Variants in DPH6 observed in about 807,000 individuals in gnomAD.
The protein encoded by DPH6 is diphthine--ammonia ligase.
Under a neutral mutation model 38.2 loss-of-function variants are expected in DPH6, and 33 were observed. The observed-to-expected ratio is 0.86, with a 90% confidence interval of 0.65 to 1.15. The LOEUF is 1.15. Among genes scored for constraint, DPH6 ranks in the 50% most tolerant of loss-of-function variants. The pLI, the probability that DPH6 is intolerant of heterozygous loss-of-function variation, is 0.00. For synonymous variants in DPH6, 108 were observed against 103.0 expected (o/e 1.05, Z -0.30); for missense variants, 325 against 320.0 (o/e 1.02, Z -0.12).
chr15:35,238,599 T>C (rs1224507343), intron 3 of DPH6, among the ~76,000 whole-genome samples: 1 of 152,246 alleles, frequency 6.6e-6, no homozygotes, highest in Non-Finnish European at 1.5e-5. Context: ...GAAAAGACTA[T>C]GTTGCCTATG....
intron 3 of DPH6, among the ~76,000 whole-genome samples, chr15:35,320,680 G>A (rs1037784851): frequency 1.3e-5 from 2 of 152,118 alleles, no homozygotes; most frequent in East Asian, 1.9e-4. Flanking sequence ...TTCCTTCTTC[G>A]TGGAGTTGCA....
intron 3 of DPH6, among the ~76,000 whole-genome samples, chr15:35,249,042 G>T (rs144779705): frequency 2.0e-5 from 3 of 152,296 alleles, no homozygotes; most frequent in African/African-American, 4.8e-5. Context: ...GGAAACCGCA[G>T]AATTATATTA....
intron 3 of DPH6, among the ~76,000 whole-genome samples, chr15:35,284,179 T>C (rs1340186678): frequency 6.6e-6 from 1 of 152,196 alleles, no homozygotes; most frequent in Non-Finnish European, 1.5e-5. Flanking sequence ...AGCTGCCCCA[T>C]ACTTTCAGAA....
Position 35,450,680 on chromosome 15 carries a change from C to T in DPH6, c.505+5G>A. The T allele has an allele frequency of 6.2e-7, 1 of 1,609,054 alleles. No homozygotes were observed. The highest frequency in any genetic ancestry group is 8.5e-7 in the Non-Finnish European group (1 of 1,176,292). On this transcript the variant is annotated splice_donor_5th_base_variant and intron_variant, in intron 5 of 8. Transcript: ENST00000256538. ...AACAGCTCCCTTGATAGTTTGGCTG[C>T]ATACCCAAAGCTGCTACTTTGATGA...
intron 3 of DPH6, among the ~76,000 whole-genome samples, chr15:35,227,067 T>C (rs1382280582): frequency 1.3e-5 from 2 of 152,094 alleles, no homozygotes; most frequent in African/African-American, 4.8e-5. Flanking sequence ...TTGTATGTGC[T>C]GGAAATTTGT....
At chr15:35,198,681 G>A in the DPH6 span, among the ~76,000 whole-genome samples, 3 of 152,174 alleles carry the variant, frequency 2.0e-5, no homozygotes, top group African/African-American at 4.8e-5. Flanking sequence ...CACCAAAGGT[G>A]TATCTTCATA....
At chr15:35,258,594 G>C (rs1550744) in intron 3 of DPH6, among the ~76,000 whole-genome samples, 95,031 of 152,056 alleles carry the variant, frequency 0.62, 31,113 homozygotes, top group Non-Finnish European at 0.73. Context: ...AATGTCCTTT[G>C]TTCTATAAGC....
chr15:35,163,638 A>C, the DPH6 span, among the ~76,000 whole-genome samples: 1 of 151,930 alleles, frequency 6.6e-6, no homozygotes, highest in Admixed American at 6.6e-5. Flanking sequence ...ATTGGTAATA[A>C]GAATAAAAGG....
At chr15:35,459,492 G>A (rs969065841) in intron 3 of DPH6, among the ~76,000 whole-genome samples, 162 of 152,204 alleles carry the variant, frequency 1.1e-3, no homozygotes, top group African/African-American at 3.8e-3. Flanking sequence ...TTTGGGTTGG[G>A]GGGCATAATT....
chr15:35,529,156 C>T lies in DPH6; in HGVS notation c.312+9118G>A, dbSNP rs369004654. 1.2e-4 allele frequency among the ~76,000 whole-genome samples: 18 copies of T among 152,272 alleles called. No homozygotes were observed. In the East Asian group the frequency reaches 2.1e-3, roughly 18 times the overall value. On this transcript the variant is annotated intron_variant, in intron 3 of 8. Coordinates refer to ENST00000256538, the MANE Select transcript of DPH6 (RefSeq NM_080650.4). ...CAAGGATATTGTATTAGTCTGTTCTCGCACTGCTACCTGAGGCTGGGTAGT... is the reference window on the plus strand; with the variant it reads ...CAAGGATATTGTATTAGTCTGTTCTTGCACTGCTACCTGAGGCTGGGTAGT...
At chr15:35,328,527 T>C (rs886939684), downstream of DPH6, among the ~76,000 whole-genome samples, 1 of 152,106 alleles carries the variant, frequency 6.6e-6, no homozygotes, top group Non-Finnish European at 1.5e-5. Context: ...CTAAATAATG[T>C]TATGGAAAGA....
chr15:35,215,141 C>G (rs1174722589), downstream of DPH6, among the ~76,000 whole-genome samples: 1 of 152,192 alleles, frequency 6.6e-6, no homozygotes, highest in African/African-American at 2.4e-5. Context: ...GGAAGAGGAA[C>G]AGTTGACTTA....
At chr15:35,358,178 C>T (rs946690763) in intron 3 of DPH6, among the ~76,000 whole-genome samples, 1 of 152,160 alleles carries the variant, frequency 6.6e-6, no homozygotes, top group African/African-American at 2.4e-5. Flanking sequence ...ATTGCTGAGA[C>T]TTTCCAGAGT....
intron 1 of DPH6, among the ~76,000 whole-genome samples, chr15:35,543,985 G>T (rs2055303909): frequency 6.6e-6 from 1 of 152,168 alleles, no homozygotes. Context: ...ACCAAACTGT[G>T]TTCTGTGGAA....
At chr15:35,168,737 A>T in the DPH6 span, among the ~76,000 whole-genome samples, 2 of 152,260 alleles carry the variant, frequency 1.3e-5, no homozygotes, top group Non-Finnish European at 2.9e-5. Flanking sequence ...GAATGTCAGC[A>T]GCTAAGTAGG....
At chr15:35,342,893 T>A (rs2052432867) in intron 3 of DPH6, among the ~76,000 whole-genome samples, 1 of 152,198 alleles carries the variant, frequency 6.6e-6, no homozygotes, top group Non-Finnish European at 1.5e-5. Context: ...CAGCTCTCTG[T>A]AGTAGTCCTG....
chr15:35,247,569 A>G (rs1488563264), intron 3 of DPH6, among the ~76,000 whole-genome samples: 1 of 152,202 alleles, frequency 6.6e-6, no homozygotes, highest in Admixed American at 6.5e-5. Context: ...CAGGTAATTA[A>G]TAGGAACTTC....
chr15:35,329,948 A>T (rs1223180481), downstream of DPH6, among the ~76,000 whole-genome samples: 2 of 150,552 alleles, frequency 1.3e-5, no homozygotes, highest in Non-Finnish European at 3.0e-5. Flanking sequence ...TAGAAAGGTT[A>T]AAAAAAAATA....
chr15:35,199,740 C>A, the DPH6 span, among the ~76,000 whole-genome samples: 1 of 151,012 alleles, frequency 6.6e-6, no homozygotes, highest in Non-Finnish European at 1.5e-5. Flanking sequence ...TTGACTACAA[C>A]ACAAGACAAA....
Sources: allele counts gnomAD v4.1 joint callset (sites outside exome capture counted in the v4.1 genomes callset), GRCh38; gene constraint gnomAD v4.1.1; transcripts MANE v1.5; gene names NCBI Gene and HGNC (gene_info 2026-07-23, HGNC 2026-07-21).